Variants in STK3 observed in about 807,000 individuals in gnomAD.
STK3 encodes the protein serine/threonine kinase 3.
Under a neutral mutation model 58.0 loss-of-function variants are expected in STK3, and 41 were observed. That is an observed-to-expected ratio of 0.71 (90% CI 0.55 to 0.92). The LOEUF (loss-of-function observed/expected upper bound fraction) is 0.92, where lower values mean the gene tolerates loss of function less well. STK3 is among the 40% of genes least tolerant of loss of function. The probability of loss-of-function intolerance (pLI) is 0.00; values close to 1 mark genes in which losing one functional copy is unlikely to be tolerated. For synonymous variants in STK3, 170 were observed against 191.0 expected (o/e 0.89, Z 0.91); for missense variants, 479 against 602.7 (o/e 0.79, Z 2.15).
At chr8:98,820,441 C>T (rs1209497756) in intron 1 of STK3, among the ~76,000 whole-genome samples, 2 of 152,164 alleles carry the variant, frequency 1.3e-5, no homozygotes, top group East Asian at 3.8e-4. Context: ...ACACTATAAC[C>T]TATTTGAGGA....
chr8:98,616,805 C>G, intron 6 of STK3, among the ~76,000 whole-genome samples: 1 of 150,544 alleles, frequency 6.6e-6, no homozygotes, highest in Non-Finnish European at 1.5e-5. Context: ...CACCCAGATT[C>G]ATAAAGCAAG....
intron 6 of STK3, among the ~76,000 whole-genome samples, chr8:98,635,105 A>G (rs1819527799): frequency 6.6e-6 from 1 of 152,120 alleles, no homozygotes; most frequent in Non-Finnish European, 1.5e-5. Context: ...CTATAATACT[A>G]CAGCCAGAAA....
At chr8:98,426,892 G>C (rs1818240815) in intron 3 of STK3, 1 of 152,654 alleles carries the variant, frequency 6.6e-6, no homozygotes, top group African/African-American at 2.4e-5. Flanking sequence ...GAGAAGCAGC[G>C]GCGGCGGCGG....
chr8:98,588,921 G>C (rs1427318612), intron 7 of STK3, among the ~76,000 whole-genome samples: 1 of 147,182 alleles, frequency 6.8e-6, no homozygotes, highest in Non-Finnish European at 1.5e-5. Flanking sequence ...TCTTCACGTA[G>C]TTCTCGAGCC....
chr8:98,390,958 T>G (rs986573421), upstream of STK3, among the ~76,000 whole-genome samples: 2 of 152,228 alleles, frequency 1.3e-5, no homozygotes, highest in Non-Finnish European at 1.5e-5. Context: ...AATTCACCCT[T>G]ACTTTTGGAT....
At chr8:98,867,197 C>T (rs1226038645) in intron 3 of STK3, among the ~76,000 whole-genome samples, 2 of 152,148 alleles carry the variant, frequency 1.3e-5, no homozygotes, top group Non-Finnish European at 2.9e-5. Flanking sequence ...GGGTAGATTG[C>T]TTGAGCCCAG....
intron 1 of STK3, among the ~76,000 whole-genome samples, chr8:98,786,898 C>T (rs374327992): frequency 7.9e-5 from 12 of 152,004 alleles, no homozygotes; most frequent in Admixed American, 2.0e-4. Context: ...CAATGTGGTG[C>T]GGTGGCTCAC....
intron 1 of STK3, among the ~76,000 whole-genome samples, chr8:98,804,345 T>C (rs1157290060): frequency 6.6e-6 from 1 of 152,202 alleles, no homozygotes; most frequent in East Asian, 1.9e-4. Flanking sequence ...ATCTTTTTGG[T>C]AGTTACTACG....
At chr8:98,631,003 C>G (rs2130505803) in intron 6 of STK3, among the ~76,000 whole-genome samples, 1 of 152,142 alleles carries the variant, frequency 6.6e-6, no homozygotes, top group South Asian at 2.1e-4. Flanking sequence ...AGCCAAAAAC[C>G]TAGGCCAAAA....
chr8:98,419,112 G>A (rs981240576), intron 3 of STK3, among the ~76,000 whole-genome samples: 1 of 152,204 alleles, frequency 6.6e-6, no homozygotes, highest in Non-Finnish European at 1.5e-5. Context: ...TGAAATCCCA[G>A]CACTTTGGGG....
At chr8:98,686,264 A>G (rs1823990946) in intron 6 of STK3, among the ~76,000 whole-genome samples, 1 of 152,120 alleles carries the variant, frequency 6.6e-6, no homozygotes, top group Admixed American at 6.6e-5. Context: ...TACAGAAGGC[A>G]CTCTAGATGA....
rs190287818 is a variant in STK3, at chr8:98,862,777, G to A, written c.110+20870C>T. 2.5e-3 allele frequency among the ~76,000 whole-genome samples: 379 copies of A among 152,358 alleles called. 2 individuals carry two copies. Among genetic ancestry groups the A allele is most frequent in the Non-Finnish European group, 3.6e-3 (248 of 68,034 alleles). ...ATTGAAATGGCATCTACTGAAGAAGGAGTCAGGTGACCTATGTGAGGCTCT... is the reference window on the plus strand; with the variant it reads ...ATTGAAATGGCATCTACTGAAGAAGAAGTCAGGTGACCTATGTGAGGCTCT... On this transcript the variant is annotated intron_variant, in intron 3 of 12. Transcript: ENST00000523601.
intron 6 of STK3, among the ~76,000 whole-genome samples, chr8:98,647,592 C>T (rs1350702850): frequency 6.6e-6 from 1 of 152,196 alleles, no homozygotes; most frequent in Non-Finnish European, 1.5e-5. Context: ...GTTACTCAGG[C>T]TGGACTGCAG....
chr8:98,923,944 T>C (rs1839686154), intron 1 of STK3, among the ~76,000 whole-genome samples: 1 of 152,082 alleles, frequency 6.6e-6, no homozygotes, highest in African/African-American at 2.4e-5. Context: ...CAGTTCTTTT[T>C]ATTTTTTTCC....
At chr8:98,855,896 C>T (rs1229111022) in intron 3 of STK3, among the ~76,000 whole-genome samples, 2 of 152,012 alleles carry the variant, frequency 1.3e-5, no homozygotes, top group African/African-American at 4.8e-5. Flanking sequence ...GTGGTTCACG[C>T]CTGTAATCCC....
At chr8:98,905,804 G>A in intron 1 of STK3, 1 of 372,974 alleles carries the variant, frequency 2.7e-6, no homozygotes, top group Admixed American at 3.8e-5. Context: ...AGCAACGAAC[G>A]ATTCACAAAT....
At chr8:98,657,395 C>G (rs1448572895) in intron 6 of STK3, among the ~76,000 whole-genome samples, 4 of 152,050 alleles carry the variant, frequency 2.6e-5, no homozygotes, top group African/African-American at 9.7e-5. Context: ...CTGTCCAGCT[C>G]TTAACCATTA....
chr8:98,495,421 C>G (rs552271851), intron 10 of STK3, among the ~76,000 whole-genome samples: 1 of 152,136 alleles, frequency 6.6e-6, no homozygotes, highest in African/African-American at 2.4e-5. Flanking sequence ...GGACAGCAAC[C>G]TAGAGGAGCT....
At chr8:98,379,770 A>G (rs998583478) in intron 1 of STK3, among the ~76,000 whole-genome samples, 2 of 152,262 alleles carry the variant, frequency 1.3e-5, no homozygotes, top group East Asian at 1.9e-4. Context: ...TAGAACTACC[A>G]TATGATCCAG....
Sources: allele counts gnomAD v4.1 joint callset (sites outside exome capture counted in the v4.1 genomes callset), GRCh38; gene constraint gnomAD v4.1.1; transcripts MANE v1.5; gene names NCBI Gene and HGNC (gene_info 2026-07-23, HGNC 2026-07-21).